MMD2: variants seen among roughly 807,000 people sequenced by gnomAD.
MMD2 encodes the protein monocyte to macrophage differentiation associated 2.
A neutral mutation model predicts 33.5 loss-of-function variants in MMD2; 30 were observed. The observed-to-expected ratio is 0.90, with a 90% CI of 0.67 to 1.22. The LOEUF is 1.22. Among genes scored for constraint, MMD2 ranks in the 50% most tolerant of loss-of-function variants. The pLI, the probability that MMD2 is intolerant of heterozygous loss-of-function variation, is 0.00. For missense variants in MMD2, 364 were observed against 325.4 expected, an observed-to-expected ratio of 1.12 and a Z score of -0.91; for synonymous variants, 129 against 123.0, an observed-to-expected ratio of 1.05 and a Z score of -0.32.
In MMD2 at chr7:4,940,633, C is replaced by A. The variant is rs1420272189; in HGVS notation, c.48-15101G>T. On this transcript the variant is annotated intron_variant, in intron 1 of 6. Transcript: ENST00000401401. The surrounding 1 kb of genome is among the most constrained non-coding windows in gnomAD (Gnocchi z 5.0). ...TTCAAGGCTCCTCCTGAAAGGCCGG[C>A]GGTATCTTGGCTCAGTCTTTGGGAA... Among the ~76,000 whole-genome samples, 1 of 152,184 alleles carries A rather than the reference C, an allele frequency of 6.6e-6. No homozygotes were observed. Among genetic ancestry groups the A allele is most frequent in the Non-Finnish European group, 1.5e-5 (1 of 68,024 alleles).
rs116700119 is a variant in MMD2 at position 4,906,274 on chromosome 7, G to A, written c.*1122C>T. 670 of 386,494 alleles carry A rather than the reference G, an allele frequency of 1.7e-3. 5 individuals are homozygous for A. Among genetic ancestry groups the A allele is most frequent in the African/African-American group, 0.011 (557 of 48,482 alleles). The allele number at this position is 386,494 out of a possible 1,614,324, so 23.9% of individuals were successfully genotyped here. A position where few individuals can be genotyped will look rare whatever the true frequency, so the allele number is the denominator to read the frequency against. On this transcript the variant is annotated 3_prime_UTR_variant, in exon 7 of 7. Coordinates refer to ENST00000401401, the MANE Select transcript of MMD2 (RefSeq NM_198403.4). ...ACAGAGAGGCTGGCCCCGCCCTGAC[G>A]GGGGCTGAAGAACAGGCCCCCAGCA...
At chr7:4,922,439 G>A (rs541052146) in intron 2 of MMD2, among the ~76,000 whole-genome samples, 146 of 151,868 alleles carry the variant, frequency 9.6e-4, no homozygotes, top group African/African-American at 3.3e-3. Context: ...GCGTGGTGGC[G>A]CACACCTGTA....
chr7:4,911,523 GT>G (rs1298880452), intron 4 of MMD2, among the ~76,000 whole-genome samples: 2 of 152,346 alleles, frequency 1.3e-5, no homozygotes, highest in African/African-American at 4.8e-5. Context: ...TTATGAACAA[GT>G]AAAGCCTGTT....
At chr7:4,953,364 T>C (rs1380602616) in intron 1 of MMD2, among the ~76,000 whole-genome samples, 6 of 150,772 alleles carry the variant, frequency 4.0e-5, no homozygotes, top group Admixed American at 2.7e-4. Context: ...CTCCTGCAGA[T>C]GTAGGGCTAC....
At chr7:4,939,962 G>C (rs867289064) in intron 1 of MMD2, among the ~76,000 whole-genome samples, 4 of 152,018 alleles carry the variant, frequency 2.6e-5, no homozygotes, top group African/African-American at 9.7e-5. Context: ...GGCTGGTCTC[G>C]AACTCCTGAC....
intron 1 of MMD2, among the ~76,000 whole-genome samples, chr7:4,942,308 C>T (rs1201329708): frequency 6.6e-6 from 1 of 151,344 alleles, no homozygotes; most frequent in African/African-American, 2.4e-5. Flanking sequence ...CCATGTTGCC[C>T]AGGCTGTTCT....
intron 1 of MMD2, among the ~76,000 whole-genome samples, chr7:4,938,660 T>C (rs540648895): frequency 5.3e-5 from 8 of 152,152 alleles, no homozygotes; most frequent in African/African-American, 1.9e-4. Context: ...CAAGGCCAGG[T>C]TGTCGACTTG....
chr7:4,957,765 C>G (rs1786426840), intron 1 of MMD2, among the ~76,000 whole-genome samples: 1 of 152,188 alleles, frequency 6.6e-6, no homozygotes. Context: ...GTGGGATTCC[C>G]CATTTAGGAG....
chr7:4,945,211 T>TCTTCTTCTTCTTCTTCTC lies in MMD2; in HGVS notation c.47+13759_47+13760insGAGAAGAAGAAGAAGAAG, dbSNP rs1562493861. 2.1e-5 allele frequency among the ~76,000 whole-genome samples: 3 copies of TCTTCTTCTTCTTCTTCTC among 143,732 alleles called. No individual in the cohort carries two copies. In the East Asian group the frequency reaches 6.2e-4, roughly 30 times the overall value. 94.3% of individuals were successfully genotyped at this position (143,732 alleles called of 152,430 possible). Reference sequence around the variant, plus strand: ...TTCTTCTTCTTCTTCTTCTTCTTCTTCTTCTTCTTCTTCTTCTTCTTCTTC... The same window carrying TCTTCTTCTTCTTCTTCTC: ...TTCTTCTTCTTCTTCTTCTTCTTCTTCTTCTTCTTCTTCTTCTCCTTCTTCTTCTTCTTCTTCTTCTTC... On this transcript the variant is annotated intron_variant, in intron 1 of 6. Coordinates refer to ENST00000401401, the MANE Select transcript of MMD2 (RefSeq NM_198403.4).
At chr7:4,932,307 G>C (rs964169548) in intron 1 of MMD2, among the ~76,000 whole-genome samples, 3 of 152,082 alleles carry the variant, frequency 2.0e-5, no homozygotes, top group Admixed American at 2.0e-4. Flanking sequence ...CCACCCTGAA[G>C]ACCCGAGCAC....
chr7:4,902,258 A>C (rs1236353856), downstream of MMD2, among the ~76,000 whole-genome samples: 4 of 152,040 alleles, frequency 2.6e-5, no homozygotes, highest in Admixed American at 2.6e-4. Context: ...CACCAAAAAA[A>C]ATATTCTTTA....
chr7:4,922,844 T>C (rs1785322445), intron 2 of MMD2, among the ~76,000 whole-genome samples: 1 of 152,148 alleles, frequency 6.6e-6, no homozygotes, highest in Non-Finnish European at 1.5e-5. Flanking sequence ...GGACATGTCC[T>C]CAGGAATGAA....
In MMD2 at chr7:4,906,604, G is replaced by A. The variant is rs1019893426; in HGVS notation, c.*792C>T. On this transcript the variant is annotated 3_prime_UTR_variant, in exon 7 of 7. Transcript: ENST00000401401. Reference sequence around the variant, plus strand: ...CCAACTCTACTGAGAATCAACTACGGTGGAACAGAACATCAGGGGCTGCAT... The same window carrying A: ...CCAACTCTACTGAGAATCAACTACGATGGAACAGAACATCAGGGGCTGCAT... 1.0e-5 allele frequency: 4 copies of A among 398,454 alleles called. No homozygotes were observed. In the Admixed American group the frequency reaches 1.8e-4, roughly 18 times the overall value. 24.7% of individuals were successfully genotyped at this position (398,454 alleles called of 1,614,324 possible). A position where few individuals can be genotyped will look rare whatever the true frequency, so the allele number is the denominator to read the frequency against.
intron 1 of MMD2, among the ~76,000 whole-genome samples, chr7:4,931,436 A>G (rs1426008552): frequency 6.6e-6 from 1 of 150,636 alleles, no homozygotes; most frequent in African/African-American, 2.4e-5. Context: ...TACAGGCATG[A>G]GCCACTGCGC....
At chr7:4,918,011 A>G (rs147960051) in intron 3 of MMD2, among the ~76,000 whole-genome samples, 44 of 152,288 alleles carry the variant, frequency 2.9e-4, no homozygotes, top group Middle Eastern at 3.4e-3. Context: ...GGGGAAAACA[A>G]GCTCCCATGT....
At chr7:4,920,597 T>C (rs982261493) in intron 2 of MMD2, among the ~76,000 whole-genome samples, 4 of 149,926 alleles carry the variant, frequency 2.7e-5, no homozygotes, top group African/African-American at 9.8e-5. Flanking sequence ...CTTTCCTTCC[T>C]TTCCTTTCCC....
chr7:4,908,723 CCCA>C (rs1784928601), intron 6 of MMD2, among the ~76,000 whole-genome samples: 2 of 151,706 alleles, frequency 1.3e-5, no homozygotes, highest in African/African-American at 2.4e-5. Context: ...ATAGTGAAAC[CCCA>C]TCTCTACTAA....
chr7:4,934,570 C>T lies in MMD2; in HGVS notation c.48-9038G>A, dbSNP rs10254558. On this transcript the variant is annotated intron_variant, in intron 1 of 6. Transcript: ENST00000401401. ...TAAAGGAGGGAAGTGGCCTTTTCTTCCTCCTCCCTGGAGAACAGACTCCTC... is the reference window on the plus strand; with the variant it reads ...TAAAGGAGGGAAGTGGCCTTTTCTTTCTCCTCCCTGGAGAACAGACTCCTC... 2.3e-3 allele frequency among the ~76,000 whole-genome samples: 354 copies of T among 152,314 alleles called. 2 individuals are homozygous for T. The highest frequency in any genetic ancestry group is 7.9e-3 in the African/African-American group (327 of 41,584).
intron 1 of MMD2, among the ~76,000 whole-genome samples, chr7:4,926,466 A>G (rs1785430205): frequency 6.6e-6 from 1 of 151,922 alleles, no homozygotes; most frequent in Non-Finnish European, 1.5e-5. Context: ...AGCTTGAAGG[A>G]TTTTTACAGA....
Sources: gnomAD v4.1 joint callset for allele counts (sites outside exome capture counted in the v4.1 genomes callset) on GRCh38, gnomAD v4.1.1 for gene constraint, Gnocchi (gnomAD v3.1) non-coding constraint, MANE v1.5 for transcripts, NCBI Gene and HGNC (gene_info 2026-07-23, HGNC 2026-07-21) for gene names.